Variants in VOPP1 observed in about 807,000 individuals in gnomAD.
VOPP1 encodes the protein VOPP1 WW domain binding protein.
A neutral mutation model predicts 23.5 loss-of-function variants in VOPP1; 8 were observed. The ratio of observed to expected loss-of-function variants is 0.34; its 90% CI spans 0.20 to 0.61. The LOEUF (loss-of-function observed/expected upper bound fraction) is 0.61, where lower values mean the gene tolerates loss of function less well. VOPP1 is among the 20% of genes least tolerant of loss of function. The probability of loss-of-function intolerance (pLI) is 0.78; values close to 1 mark genes in which losing one functional copy is unlikely to be tolerated. For synonymous variants in VOPP1, 83 were observed against 97.3 expected (o/e 0.85, Z 0.86); for missense variants, 174 against 238.1 (o/e 0.73, Z 1.77).
intron 1 of VOPP1, among the ~76,000 whole-genome samples, chr7:55,536,321 G>T (rs1410653228): frequency 6.6e-6 from 1 of 152,188 alleles, no homozygotes; most frequent in Non-Finnish European, 1.5e-5. Context: ...CTGAGGTCAG[G>T]AGTCTAAGAC....
intron 2 of VOPP1, among the ~76,000 whole-genome samples, chr7:55,504,246 A>G (rs1794560897): frequency 6.6e-6 from 1 of 152,126 alleles, no homozygotes; most frequent in South Asian, 2.1e-4. Context: ...TACACTACTC[A>G]TTATTACCTG....
intron 4 of VOPP1, among the ~76,000 whole-genome samples, chr7:55,483,211 T>C (rs1015959844): frequency 6.6e-6 from 1 of 152,102 alleles, no homozygotes; most frequent in African/African-American, 2.4e-5. Context: ...ACCTATTTCA[T>C]CATTCACCTT....
intron 1 of VOPP1, among the ~76,000 whole-genome samples, chr7:55,528,292 G>A (rs556716265): frequency 6.6e-5 from 10 of 152,280 alleles, no homozygotes; most frequent in South Asian, 2.1e-4. Context: ...GCCATGTACC[G>A]AAATACTGAC....
At chr7:55,552,242 C>T (rs1395450846) in intron 1 of VOPP1, among the ~76,000 whole-genome samples, 1 of 152,098 alleles carries the variant, frequency 6.6e-6, no homozygotes, top group African/African-American at 2.4e-5. Flanking sequence ...ATATAAGCAC[C>T]TTTTGGATTT....
Position 55,516,031 on chromosome 7 carries a change from G to C in VOPP1, c.113+5041C>G, listed in dbSNP as rs115434310. On this transcript the variant is annotated intron_variant, in intron 2 of 4. Transcript: ENST00000285279. Reference sequence around the variant, plus strand: ...GAGCTGAGGAAGCGAGGCCCAAGCAGAAGCTCAACTCGAGGAGAGAATGCA... The same window carrying C: ...GAGCTGAGGAAGCGAGGCCCAAGCACAAGCTCAACTCGAGGAGAGAATGCA... 3.3e-3 allele frequency: 3,231 copies of C among 985,470 alleles called. 90 individuals carry two copies. The African/African-American group carries it at 0.052, about 16-fold the overall frequency. 61.0% of individuals were successfully genotyped at this position (985,470 alleles called of 1,614,324 possible). A position where few individuals can be genotyped will look rare whatever the true frequency, so the allele number is the denominator to read the frequency against.
intron 1 of VOPP1, among the ~76,000 whole-genome samples, chr7:55,559,744 A>G (rs1400021386): frequency 6.6e-6 from 1 of 152,132 alleles, no homozygotes; most frequent in East Asian, 1.9e-4. Context: ...CCTACAACCT[A>G]TGTTAATGAC....
At chr7:55,550,198 C>T (rs1797544652) in intron 1 of VOPP1, among the ~76,000 whole-genome samples, 1 of 152,186 alleles carries the variant, frequency 6.6e-6, no homozygotes, top group South Asian at 2.1e-4. Flanking sequence ...GCAATAAAGC[C>T]GCCATAAAAG....
At chr7:55,491,031 C>T (rs1793527218) in intron 4 of VOPP1, among the ~76,000 whole-genome samples, 1 of 152,218 alleles carries the variant, frequency 6.6e-6, no homozygotes, top group Non-Finnish European at 1.5e-5. Flanking sequence ...AATCCCTCTA[C>T]TTCTCTCCTA....
chr7:55,561,924 G>A (rs1424184664), intron 1 of VOPP1: 18 of 702,524 alleles, frequency 2.6e-5, no homozygotes, highest in South Asian at 1.2e-4. Context: ...GAGTTGAAAC[G>A]GCAGTCAAAG....
rs1382166112 is a variant in VOPP1, at chr7:55,564,237, G to GTCTC, written c.54+8030_54+8033dup. Among the ~76,000 whole-genome samples the GTCTC allele has an allele frequency of 2.1e-4, 6 of 28,196 alleles. No homozygotes were observed. In the Admixed American group the frequency reaches 2.3e-3, roughly 11 times the overall value. The allele number at this position is 28,196 out of a possible 152,430, so 18.5% of individuals were successfully genotyped here. A position where few individuals can be genotyped will look rare whatever the true frequency, so the allele number is the denominator to read the frequency against. Reference sequence around the variant, plus strand: ...TCTCATCAACACACTCTTTCTCTCTGTCTCTGTCTCTCTCTCTCTCTCTCT... The same window carrying GTCTC: ...TCTCATCAACACACTCTTTCTCTCTGTCTCTCTCTGTCTCTCTCTCTCTCTCTCT... On this transcript the variant is annotated intron_variant, in intron 1 of 4. Coordinates refer to ENST00000285279, the MANE Select transcript of VOPP1 (RefSeq NM_030796.5).
At chr7:55,459,608 T>G (rs547166290) in intron 4 of VOPP1, among the ~76,000 whole-genome samples, 45 of 152,302 alleles carry the variant, frequency 3.0e-4, no homozygotes, top group Non-Finnish European at 1.3e-4. Context: ...GAAGGTTGTA[T>G]GTGTCCAGGA....
chr7:55,493,415 C>G (rs768509204), intron 3 of VOPP1, among the ~76,000 whole-genome samples: 4 of 152,172 alleles, frequency 2.6e-5, no homozygotes, highest in Non-Finnish European at 4.4e-5. Context: ...TGGCACTGGT[C>G]CACATATAAA....
At chr7:55,486,340 G>A (rs1425243149) in intron 4 of VOPP1, among the ~76,000 whole-genome samples, 1 of 152,190 alleles carries the variant, frequency 6.6e-6, no homozygotes, top group African/African-American at 2.4e-5. Flanking sequence ...GCTTTCACAT[G>A]GATAAAAAAA....
downstream of VOPP1, among the ~76,000 whole-genome samples, chr7:55,467,031 A>G (rs1392805427): frequency 6.6e-6 from 1 of 152,152 alleles, no homozygotes; most frequent in African/African-American, 2.4e-5. Context: ...AGATTCTCAT[A>G]AGGAGCATAC....
intron 1 of VOPP1, chr7:55,521,780 C>A: frequency 1.0e-6 from 1 of 985,582 alleles, no homozygotes; most frequent in South Asian, 4.7e-5. Flanking sequence ...ACACAGGCAT[C>A]GGAGCAGGGG....
At chr7:55,511,543 A>G (rs67572279) in intron 2 of VOPP1, among the ~76,000 whole-genome samples, 15,926 of 152,278 alleles carry the variant, frequency 0.1, 996 homozygotes, top group East Asian at 0.27. Flanking sequence ...CAAATCACTA[A>G]GCTAAAAGGA....
intron 4 of VOPP1, among the ~76,000 whole-genome samples, chr7:55,457,721 C>T (rs567623498): frequency 3.3e-5 from 5 of 152,068 alleles, no homozygotes; most frequent in African/African-American, 9.6e-5. Flanking sequence ...TGATGTTAAA[C>T]ATTTTTTCAT....
downstream of VOPP1, among the ~76,000 whole-genome samples, chr7:55,466,085 CTG>C (rs150943228): frequency 4.1e-3 from 621 of 152,296 alleles, 2 homozygotes; most frequent in Admixed American, 0.011. Flanking sequence ...TGCCAAGTGA[CTG>C]TGCAGCAAGA....
intron 2 of VOPP1, among the ~76,000 whole-genome samples, chr7:55,519,927 A>G (rs2129040725): frequency 6.6e-6 from 1 of 152,364 alleles, no homozygotes; most frequent in East Asian, 1.9e-4. Context: ...TAGGAGTTCG[A>G]GACCAGCCTG....
Sources: allele counts gnomAD v4.1 joint callset (sites outside exome capture counted in the v4.1 genomes callset), GRCh38; gene constraint gnomAD v4.1.1; transcripts MANE v1.5; gene names NCBI Gene and HGNC (gene_info 2026-07-23, HGNC 2026-07-21).